POC1B: variants seen among roughly 807,000 people sequenced by gnomAD.
The protein encoded by POC1B is POC1 centriolar protein B.
POC1B carries 44 observed loss-of-function variants against 60.6 expected under a neutral mutation model. The ratio of observed to expected loss-of-function variants is 0.73; its 90% CI spans 0.57 to 0.93. The LOEUF (loss-of-function observed/expected upper bound fraction) is 0.93, where lower values mean the gene tolerates loss of function less well. POC1B is among the 40% of genes least tolerant of loss of function. POC1B has a pLI of 0.00. For synonymous variants in POC1B, 180 were observed against 198.9 expected (o/e 0.90, Z 0.80); for missense variants, 555 against 572.3 (o/e 0.97, Z 0.31).
At chr12:89,441,507 C>T (rs999796581) in intron 10 of POC1B, among the ~76,000 whole-genome samples, 12 of 152,156 alleles carry the variant, frequency 7.9e-5, no homozygotes, top group Non-Finnish European at 1.8e-4. Flanking sequence ...CAAACAGGGT[C>T]GGGAGTGGAC....
At position 89,505,292 on chromosome 12, in the gene POC1B, CTTAG is replaced by C. The variant is rs377415392; in HGVS notation, c.101-7954_101-7951del. Among the ~76,000 whole-genome samples, 43 of 152,262 alleles carry C rather than the reference CTTAG, an allele frequency of 2.8e-4. 1 individual carries two copies. The South Asian group carries it at 8.5e-3, about 30-fold the overall frequency. On this transcript the variant is annotated intron_variant, in intron 2 of 11. Transcript: ENST00000313546. ...AATATCTATTGAAGCTGAATATATA[CTTAG>C]TATTTGATTCAGCAATTCCACTTCT...
chr12:89,483,250 A>G (rs908722917), intron 4 of POC1B, among the ~76,000 whole-genome samples: 3 of 152,146 alleles, frequency 2.0e-5, no homozygotes, highest in African/African-American at 7.2e-5. Context: ...CGATAGTTTT[A>G]TAAGGGGCTT....
rs182496305 is a variant in POC1B at position 89,502,781 on chromosome 12, T to G, written c.101-5439A>C. 3.8e-6 allele frequency: 5 copies of G among 1,312,116 alleles called. No homozygotes were observed. The Admixed American group carries it at 1.1e-4, about 29-fold the overall frequency. 81.3% of individuals were successfully genotyped at this position (1,312,116 alleles called of 1,614,324 possible). On this transcript the variant is annotated intron_variant, in intron 2 of 11. Coordinates refer to ENST00000313546, the MANE Select transcript of POC1B (RefSeq NM_172240.3). ...GCAGCATGTTGGCCAGGATATATTG[T>G]TTTTTTATGTTAACTTTGGTGACCT...
chr12:89,486,145 G>A (rs139891026), intron 4 of POC1B, among the ~76,000 whole-genome samples: 2 of 152,262 alleles, frequency 1.3e-5, no homozygotes, highest in East Asian at 1.9e-4. Context: ...GAAGCTCCAC[G>A]AGAGTAGGAA....
chr12:89,490,477 T>A (rs949456440), intron 4 of POC1B, among the ~76,000 whole-genome samples: 4 of 152,126 alleles, frequency 2.6e-5, no homozygotes, highest in Non-Finnish European at 4.4e-5. Context: ...CCCAAGTAAC[T>A]GGGACTACAG....
At chr12:89,411,008 C>T in the POC1B span, among the ~76,000 whole-genome samples, 2 of 152,154 alleles carry the variant, frequency 1.3e-5, no homozygotes, top group Non-Finnish European at 2.9e-5. Context: ...CATGAGCAAA[C>T]TCCCATTCAC....
chr12:89,458,983 T>C (rs1161824571), intron 10 of POC1B, among the ~76,000 whole-genome samples: 1 of 152,226 alleles, frequency 6.6e-6, no homozygotes, highest in Admixed American at 6.5e-5. Context: ...ATTGTAAGTA[T>C]TAGAAATACT....
chr12:89,440,709 C>T (rs1026384413), intron 10 of POC1B, among the ~76,000 whole-genome samples: 12 of 152,192 alleles, frequency 7.9e-5, no homozygotes, highest in Non-Finnish European at 1.2e-4. Context: ...GCGTGAGCAA[C>T]GCAGAAGACG....
intron 7 of POC1B, among the ~76,000 whole-genome samples, 178 bp downstream of exon 7, chr12:89,470,183 T>A (rs990088043): frequency 6.6e-6 from 1 of 152,160 alleles, no homozygotes; most frequent in Non-Finnish European, 1.5e-5. Context: ...CAAATAATAT[T>A]TCTAAGAGTT....
rs75443534 is a variant in POC1B at position 89,489,333 on chromosome 12, C to T, written c.452+2603G>A. Among the ~76,000 whole-genome samples, 593 of 152,306 alleles carry T rather than the reference C, an allele frequency of 3.9e-3. 4 individuals carry two copies. The highest frequency in any genetic ancestry group is 6.1e-3 in the Admixed American group (94 of 15,292). On this transcript the variant is annotated intron_variant, in intron 4 of 11. Coordinates refer to ENST00000313546, the MANE Select transcript of POC1B (RefSeq NM_172240.3). ...ATTGAGAAGTTAGGTAACTTCCCCA[C>T]AGGTCTCACAGCTGATAAGTAGTGG...
chr12:89,490,346 T>C (rs910205590), intron 4 of POC1B, among the ~76,000 whole-genome samples: 1 of 152,142 alleles, frequency 6.6e-6, no homozygotes, highest in Non-Finnish European at 1.5e-5. Flanking sequence ...GTTGTTTGTT[T>C]GTTTGTTTTT....
At chr12:89,508,657 A>G (rs1179382405) in intron 2 of POC1B, among the ~76,000 whole-genome samples, 1 of 152,212 alleles carries the variant, frequency 6.6e-6, no homozygotes, top group Non-Finnish European at 1.5e-5. Flanking sequence ...GTCCCCACCG[A>G]AAATCTCATC....
At chr12:89,456,002 C>CTTTTTT (rs1165409256) in intron 10 of POC1B, among the ~76,000 whole-genome samples, 2 of 135,614 alleles carry the variant, frequency 1.5e-5, no homozygotes, top group African/African-American at 5.4e-5. Context: ...GTTTAAAACT[C>CTTTTTT]TTTTTTGTTG....
chr12:89,487,899 G>A (rs1008084404), intron 4 of POC1B, among the ~76,000 whole-genome samples: 2 of 151,306 alleles, frequency 1.3e-5, no homozygotes, highest in African/African-American at 4.9e-5. Flanking sequence ...ATCATCTTTT[G>A]TGCCACTTTT....
chr12:89,490,398 G>A (rs1868897517), intron 4 of POC1B, among the ~76,000 whole-genome samples: 1 of 152,150 alleles, frequency 6.6e-6, no homozygotes, highest in African/African-American at 2.4e-5. Context: ...TGGATGGAGT[G>A]CAGTGGTATG....
Position 89,420,899 on chromosome 12 carries a change from T to A in POC1B, c.*254A>T. 2.8e-6 allele frequency: 1 copy of A among 351,918 alleles called. No homozygotes were observed. The allele number at this position is 351,918 out of a possible 1,614,324, so 21.8% of individuals were successfully genotyped here. On this transcript the variant is annotated 3_prime_UTR_variant, in exon 12 of 12. Coordinates refer to ENST00000313546, the MANE Select transcript of POC1B (RefSeq NM_172240.3). ...AATATGGGGAAAATACAGAGTTGCT[T>A]GAATGCTTATCACTTTATTACTGCA...
At chr12:89,431,683 T>G (rs1881037000) in intron 10 of POC1B, among the ~76,000 whole-genome samples, 1 of 152,248 alleles carries the variant, frequency 6.6e-6, no homozygotes, top group South Asian at 2.1e-4. Context: ...GCAAAATTAT[T>G]TTATTTAGCA....
At chr12:89,418,807 C>G (rs1051028170), downstream of POC1B, among the ~76,000 whole-genome samples, 3 of 152,188 alleles carry the variant, frequency 2.0e-5, no homozygotes, top group African/African-American at 7.2e-5. Flanking sequence ...AGCATCTGCA[C>G]TATGCTTCTT....
At chr12:89,449,172 G>C (rs1412248696) in intron 10 of POC1B, among the ~76,000 whole-genome samples, 1 of 152,212 alleles carries the variant, frequency 6.6e-6, no homozygotes. Context: ...TCTGTCCTCT[G>C]AGGTTGTTTA....
Sources: allele counts gnomAD v4.1 joint callset (sites outside exome capture counted in the v4.1 genomes callset), GRCh38; gene constraint gnomAD v4.1.1; transcripts MANE v1.5; gene names NCBI Gene and HGNC (gene_info 2026-07-23, HGNC 2026-07-21).